The following TIAM1 variants were observed in gnomAD, a reference collection of about 807,000 sequenced individuals.
The protein encoded by TIAM1 is rho guanine nucleotide exchange factor TIAM1.
Under a neutral mutation model 163.5 loss-of-function variants are expected in TIAM1, and 65 were observed. The ratio of observed to expected loss-of-function variants is 0.40; its 90% CI spans 0.33 to 0.49. The LOEUF is 0.49. Ranked by LOEUF, TIAM1 falls within the 20% of genes least tolerant of loss-of-function variation. The pLI, the probability that TIAM1 is intolerant of heterozygous loss-of-function variation, is 0.77. For missense variants in TIAM1, 1,789 were observed against 2,044.7 expected (o/e 0.87, Z 2.41); for synonymous variants, 833 against 810.1 (o/e 1.03, Z -0.48).
At chr21:31,553,189 A>T (rs1194160827) in intron 1 of TIAM1, among the ~76,000 whole-genome samples, 1 of 152,152 alleles carries the variant, frequency 6.6e-6, no homozygotes, top group Non-Finnish European at 1.5e-5. Flanking sequence ...TAATAATGAC[A>T]CCAGGCAACA....
Position 31,486,909 on chromosome 21 carries a change from C to A in TIAM1, c.-421-22874G>T, listed in dbSNP as rs139366411. On this transcript the variant is annotated intron_variant, in intron 1 of 28. Coordinates refer to the TIAM1 transcript ENST00000286827. ...GCTTTGCCCAACTCCTCACCGGGGC[C>A]ACAGGAGTCTCCACCTAGGGTCAGG... Among the ~76,000 whole-genome samples the A allele has an allele frequency of 1.6e-4, 24 of 152,342 alleles. No individual in the cohort carries two copies. In the East Asian group the frequency reaches 4.2e-3, roughly 27 times the overall value.
In TIAM1 at chr21:31,511,992, C is replaced by T. The variant is rs371039097; in HGVS notation, c.-422+46935G>A. Reference sequence around the variant, plus strand: ...TAGGGTCAAGTGGCAAACCACAGCCCGTGGCAAACTCCTGGGTATGTCACA... The same window carrying T: ...TAGGGTCAAGTGGCAAACCACAGCCTGTGGCAAACTCCTGGGTATGTCACA... On this transcript the variant is annotated intron_variant, in intron 1 of 28. Coordinates refer to the TIAM1 transcript ENST00000286827. Among the ~76,000 whole-genome samples the T allele has an allele frequency of 1.3e-4, 20 of 152,278 alleles. No individual in the cohort carries two copies. In the East Asian group the frequency reaches 3.1e-3, roughly 23 times the overall value.
chr21:31,165,631 T>C (rs1827001227), intron 15 of TIAM1, among the ~76,000 whole-genome samples: 1 of 152,120 alleles, frequency 6.6e-6, no homozygotes, highest in Non-Finnish European at 1.5e-5. Flanking sequence ...ACTCAGTTTA[T>C]GGTATTTTGT....
chr21:31,346,186 C>G (rs2076144834), upstream of TIAM1, among the ~76,000 whole-genome samples: 1 of 151,914 alleles, frequency 6.6e-6, no homozygotes, highest in Non-Finnish European at 1.5e-5. Flanking sequence ...GCCACAAATG[C>G]CAATAGTGCT....
chr21:31,305,422 T>TA (rs35619472), intron 2 of TIAM1, among the ~76,000 whole-genome samples: 4,907 of 132,762 alleles, frequency 0.037, 155 homozygotes, highest in African/African-American at 0.095. Flanking sequence ...GAAATAAAAA[T>TA]AAAAAAAAAA....
intron 5 of TIAM1, 133 bp downstream of exon 5, chr21:31,251,609 G>T: frequency 1.1e-6 from 1 of 951,136 alleles, no homozygotes; most frequent in Non-Finnish European, 1.6e-6. Context: ...TATGATAAAT[G>T]TTTTAAATTA....
At chr21:31,488,379 G>A (rs544420484) in intron 1 of TIAM1, among the ~76,000 whole-genome samples, 2 of 152,296 alleles carry the variant, frequency 1.3e-5, no homozygotes, top group East Asian at 1.9e-4. Context: ...GGGATGGGGA[G>A]GGAGATACAA....
Position 31,256,713 on chromosome 21 carries a change from T to A in TIAM1, c.964-4524A>T, listed in dbSNP as rs182713442. On this transcript the variant is annotated intron_variant, in intron 4 of 27. Transcript: ENST00000541036. ...ATAATCTCAGTACAGCAAGTATCAA[T>A]TCTAGGTAAATGACTCTGAACCAAT... is the stretch of plus-strand genomic sequence containing the variant. 1.2e-3 allele frequency among the ~76,000 whole-genome samples: 188 copies of A among 151,796 alleles called. 1 individual carries two copies. Among genetic ancestry groups the A allele is most frequent in the African/African-American group, 4.3e-3 (178 of 41,392 alleles).
At chr21:31,281,647 G>A (rs55924707) in intron 2 of TIAM1, among the ~76,000 whole-genome samples, 9,139 of 152,258 alleles carry the variant, frequency 0.06, 389 homozygotes, top group Middle Eastern at 0.12. Flanking sequence ...ATAAATAGGT[G>A]GATGGTAGAT....
intron 4 of TIAM1, among the ~76,000 whole-genome samples, chr21:31,264,846 C>CAAGGTT (rs2072666056): frequency 6.6e-6 from 1 of 152,156 alleles, no homozygotes; most frequent in Non-Finnish European, 1.5e-5. Flanking sequence ...TGAGGCTGCT[C>CAAGGTT]CGCCATTCAA....
chr21:31,260,718 A>C (rs1406805429), intron 4 of TIAM1, among the ~76,000 whole-genome samples: 2 of 149,866 alleles, frequency 1.3e-5, no homozygotes, highest in African/African-American at 4.9e-5. Context: ...AAAAAGCATC[A>C]AACAGAAGAT....
chr21:31,264,656 C>A (rs953031322), intron 4 of TIAM1, among the ~76,000 whole-genome samples: 14 of 152,134 alleles, frequency 9.2e-5, no homozygotes, highest in African/African-American at 3.4e-4. Flanking sequence ...TGCCGATTTT[C>A]TTTTTCTCGG....
Position 31,223,449 on chromosome 21 carries a change from A to G in TIAM1, c.1952T>C (p.Met651Thr), listed in dbSNP as rs1452736474. The G allele has an allele frequency of 1.2e-6, 2 of 1,613,868 alleles. No homozygotes were observed. Among genetic ancestry groups the G allele is most frequent in the African/African-American group, 2.7e-5 (2 of 74,936 alleles). The change falls in exon 8 of 28, where the codon ATG (methionine) becomes ACG (threonine). Residue 651 changes from methionine to threonine, a missense_variant. This residue lies in a region of TIAM1 where 456 missense variants were observed against 586.6 expected (regional missense o/e 0.78). Transcript: ENST00000541036. ...AFASRPTKVAMGRLGIFSVSS... is the reference protein window; with the variant it reads ...AFASRPTKVATGRLGIFSVSS... ...TACCGAAAAGATTCCAAGGCGGCCCATGGCCACTTTCGTTGGTCGACTTGC... is the reference window on the plus strand; with the variant it reads ...TACCGAAAAGATTCCAAGGCGGCCCGTGGCCACTTTCGTTGGTCGACTTGC...
chr21:31,211,644 G>A (rs2086891447), intron 10 of TIAM1, among the ~76,000 whole-genome samples: 6 of 152,174 alleles, frequency 3.9e-5, no homozygotes, highest in Admixed American at 3.9e-4. Context: ...TTTCAGCCTC[G>A]CCTTTGAACA....
At chr21:31,331,170 G>A (rs1218414700) in intron 2 of TIAM1, among the ~76,000 whole-genome samples, 2 of 152,286 alleles carry the variant, frequency 1.3e-5, no homozygotes, top group Middle Eastern at 3.4e-3. Context: ...AGTAGTCAAC[G>A]AAGATGATGA....
At chr21:31,364,124 A>G (rs899776327) in intron 2 of TIAM1, among the ~76,000 whole-genome samples, 5 of 152,206 alleles carry the variant, frequency 3.3e-5, no homozygotes, top group African/African-American at 1.2e-4. Context: ...ACAGGAAGGT[A>G]AAAACACATT....
At chr21:31,532,708 C>T (rs2048009423) in intron 1 of TIAM1, among the ~76,000 whole-genome samples, 1 of 152,138 alleles carries the variant, frequency 6.6e-6, no homozygotes, top group Non-Finnish European at 1.5e-5. Flanking sequence ...GGTGAAGGGG[C>T]CCATTAAAAT....
chr21:31,224,491 C>T (rs544227423), intron 7 of TIAM1, among the ~76,000 whole-genome samples: 5 of 152,180 alleles, frequency 3.3e-5, no homozygotes, highest in Non-Finnish European at 5.9e-5. Flanking sequence ...CAAAAGGCCA[C>T]GTACTGTGCA....
At chr21:31,174,819 G>C (rs559302351) in intron 15 of TIAM1, among the ~76,000 whole-genome samples, 10 of 151,956 alleles carry the variant, frequency 6.6e-5, no homozygotes, top group African/African-American at 2.4e-4. Flanking sequence ...AGCTAATTTT[G>C]TGTACTTTTA....
Sources: allele counts gnomAD v4.1 joint callset (sites outside exome capture counted in the v4.1 genomes callset), GRCh38; gene constraint gnomAD v4.1.1; regional missense constraint gnomAD v4.1.1; transcripts MANE v1.5; gene names NCBI Gene and HGNC (gene_info 2026-07-23, HGNC 2026-07-21).